The following SYT2 variants were observed in gnomAD, a reference collection of about 807,000 sequenced individuals.
SYT2 encodes the protein synaptotagmin 2.
SYT2 carries 15 observed loss-of-function variants against 39.9 expected under a neutral mutation model. The observed-to-expected ratio is 0.38, with a 90% CI of 0.25 to 0.58. The LOEUF (loss-of-function observed/expected upper bound fraction) is 0.58. Ranked by LOEUF, SYT2 falls within the 20% of genes least tolerant of loss-of-function variation. The probability of loss-of-function intolerance (pLI) is 0.70; values close to 1 mark genes in which losing one functional copy is unlikely to be tolerated. For missense variants in SYT2, 389 were observed against 530.3 expected (o/e 0.73, Z 2.62); for synonymous variants, 181 against 204.5 (o/e 0.89, Z 0.98).
At chr1:202,694,156 G>A (rs1038460227) in intron 1 of SYT2, among the ~76,000 whole-genome samples, 1 of 152,172 alleles carries the variant, frequency 6.6e-6, no homozygotes, top group African/African-American at 2.4e-5. Context: ...TGATTTGGAG[G>A]GGATGAACAT....
chr1:202,699,869 T>A (rs1221634918), intron 1 of SYT2, among the ~76,000 whole-genome samples: 3 of 151,844 alleles, frequency 2.0e-5, no homozygotes, highest in Admixed American at 2.0e-4. Flanking sequence ...CACCGTTGAG[T>A]TGATTGCTTG....
intron 1 of SYT2, among the ~76,000 whole-genome samples, chr1:202,698,054 G>A (rs1654018075): frequency 6.6e-6 from 1 of 151,980 alleles, no homozygotes; most frequent in Non-Finnish European, 1.5e-5. Flanking sequence ...GAAGGATCAG[G>A]GATCCGGTTC....
Position 202,599,425 on chromosome 1 carries a change from T to C in SYT2, c.920-74A>G, listed in dbSNP as rs1374328251. On this transcript the variant is annotated intron_variant, in intron 7 of 8. Coordinates refer to ENST00000367268, the MANE Select transcript of SYT2 (RefSeq NM_177402.5). This position sits in a 1 kb window ranked among gnomAD's most constrained non-coding sequence, Gnocchi z 4.4. ...CCTTCCTGCCGAATGTACCAAGGCC[T>C]GCCCAGAGCATCGGTCAAGAGGGGG... is the stretch of plus-strand genomic sequence containing the variant. 6 of 1,495,384 alleles carry C rather than the reference T, an allele frequency of 4.0e-6. No individual in the cohort carries two copies. In the East Asian group the frequency reaches 1.2e-4, roughly 30 times the overall value. 92.6% of individuals were successfully genotyped at this position (1,495,384 alleles called of 1,614,324 possible).
At chr1:202,691,969 C>G (rs1653848381) in intron 1 of SYT2, among the ~76,000 whole-genome samples, 1 of 151,992 alleles carries the variant, frequency 6.6e-6, no homozygotes, top group African/African-American at 2.4e-5. Context: ...TTCTCTCTCC[C>G]ACCATCAAAG....
intron 1 of SYT2, among the ~76,000 whole-genome samples, chr1:202,689,337 C>G (rs1373255380): frequency 6.6e-6 from 1 of 152,158 alleles, no homozygotes; most frequent in Admixed American, 6.5e-5. Context: ...TCCCATAACC[C>G]ATCCCCCATC....
In SYT2 at chr1:202,599,053, GC is replaced by G. The variant is rs1690402895; in HGVS notation, c.1053+164del. ...TCCTCAGAAAAGGGGGATCCCTGAA[GC>G]ACTTGGGAAGGAGGCCCCACCCAGG... On this transcript the variant is annotated intron_variant, in intron 8 of 8. Transcript: ENST00000367268. The surrounding 1 kb of genome is among the most constrained non-coding windows in gnomAD (Gnocchi z 4.4). Among the ~76,000 whole-genome samples, 1 of 152,120 alleles carries G rather than the reference GC, an allele frequency of 6.6e-6. No homozygotes were observed. Among genetic ancestry groups the G allele is most frequent in the Admixed American group, 6.5e-5 (1 of 15,278 alleles).
At chr1:202,704,940 A>G (rs1257017216) in intron 1 of SYT2, among the ~76,000 whole-genome samples, 1 of 152,188 alleles carries the variant, frequency 6.6e-6, no homozygotes, top group Non-Finnish European at 1.5e-5. Flanking sequence ...AGGGAGGGAG[A>G]GCTGATTCAA....
At chr1:202,659,914 C>T (rs893089250) in intron 1 of SYT2, among the ~76,000 whole-genome samples, 3 of 152,118 alleles carry the variant, frequency 2.0e-5, no homozygotes, top group African/African-American at 7.2e-5. Context: ...CCTGCAGGAC[C>T]GCTCCTCCCT....
chr1:202,651,613 C>T (rs1247069368), intron 1 of SYT2, among the ~76,000 whole-genome samples: 1 of 152,154 alleles, frequency 6.6e-6, no homozygotes, highest in African/African-American at 2.4e-5. Flanking sequence ...TCATTCTTTC[C>T]ACCTCGGCAC....
At chr1:202,638,490 C>T (rs1302016653) in intron 1 of SYT2, among the ~76,000 whole-genome samples, 1 of 152,214 alleles carries the variant, frequency 6.6e-6, no homozygotes, top group African/African-American at 2.4e-5. Flanking sequence ...TGCTCGGAGG[C>T]CTTTCTGCAA....
At chr1:202,669,935 T>C (rs954398047) in intron 1 of SYT2, among the ~76,000 whole-genome samples, 1 of 152,054 alleles carries the variant, frequency 6.6e-6, no homozygotes, top group African/African-American at 2.4e-5. Flanking sequence ...TTATCCTCAT[T>C]GGTGTAAAAG....
Position 202,640,790 on chromosome 1 carries a change from G to GAC in SYT2, c.-17-35002_-17-35001insGT, listed in dbSNP as rs1558444001. 3.2e-3 allele frequency among the ~76,000 whole-genome samples: 388 copies of GAC among 119,728 alleles called. 4 individuals are homozygous for GAC. Among genetic ancestry groups the GAC allele is most frequent in the Non-Finnish European group, 5.0e-3 (275 of 55,492 alleles). The allele number at this position is 119,728 out of a possible 152,430, so 78.5% of individuals were successfully genotyped here. ...AGAGAGAGAGAGAGAGAGAGAGAGA[G>GAC]AGACAGACAGACAGAGAGACAGAGA... On this transcript the variant is annotated intron_variant, in intron 1 of 8. Transcript: ENST00000367268.
At chr1:202,674,909 T>A (rs886833114) in intron 1 of SYT2, among the ~76,000 whole-genome samples, 1 of 45,736 alleles carries the variant, frequency 2.2e-5, no homozygotes, top group African/African-American at 4.1e-5. Context: ...ATAATCTCAA[T>A]GTCATGATCT....
intron 1 of SYT2, among the ~76,000 whole-genome samples, chr1:202,679,209 G>A (rs142344656): frequency 3.9e-5 from 6 of 152,128 alleles, no homozygotes; most frequent in Admixed American, 1.3e-4. Context: ...GGTCTCTGCC[G>A]ACTCCCTTCT....
At chr1:202,619,067 C>T (rs1011988825) in intron 1 of SYT2, among the ~76,000 whole-genome samples, 6 of 152,190 alleles carry the variant, frequency 3.9e-5, no homozygotes, top group South Asian at 2.1e-4. Context: ...CAGCCTCCTC[C>T]GCCTCCAGGA....
Position 202,599,398 on chromosome 1 carries a change from A to G in SYT2, c.920-47T>C. 6.4e-7 allele frequency: 1 copy of G among 1,552,518 alleles called. No individual in the cohort carries two copies. Among genetic ancestry groups the G allele is most frequent in the South Asian group, 1.3e-5 (1 of 79,336 alleles). ...CCCAGAGAGGTTCCCCTTAGCCCCCAGCCTTCCTGCCGAATGTACCAAGGC... is the reference window on the plus strand; with the variant it reads ...CCCAGAGAGGTTCCCCTTAGCCCCCGGCCTTCCTGCCGAATGTACCAAGGC... On this transcript the variant is annotated intron_variant, in intron 7 of 8. Transcript: ENST00000367268. This position sits in a 1 kb window ranked among gnomAD's most constrained non-coding sequence, Gnocchi z 4.4.
chr1:202,670,579 T>G (rs909249724), intron 1 of SYT2, among the ~76,000 whole-genome samples: 1 of 152,160 alleles, frequency 6.6e-6, no homozygotes, highest in African/African-American at 2.4e-5. Context: ...TAAATCAAGA[T>G]TAATGAAGTT....
At chr1:202,705,401 T>C (rs1050348407) in intron 1 of SYT2, among the ~76,000 whole-genome samples, 1 of 152,256 alleles carries the variant, frequency 6.6e-6, no homozygotes, top group African/African-American at 2.4e-5. Context: ...GGACCCACAC[T>C]GACTTTGCCC....
chr1:202,605,258 C>G (rs1572615934), intron 2 of SYT2: 1 of 195,338 alleles, frequency 5.1e-6, no homozygotes, highest in East Asian at 1.2e-4. Context: ...TTCTATCTTC[C>G]AAAATAAATT....
Sources: allele counts gnomAD v4.1 joint callset (sites outside exome capture counted in the v4.1 genomes callset), GRCh38; gene constraint gnomAD v4.1.1; non-coding constraint Gnocchi (gnomAD v3.1); transcripts MANE v1.5; gene names NCBI Gene and HGNC (gene_info 2026-07-23, HGNC 2026-07-21).